The following DPYSL3 variants were observed in gnomAD, a reference collection of about 807,000 sequenced individuals.
DPYSL3 encodes dihydropyrimidinase-related protein 3.
In DPYSL3, 16 loss-of-function variants were observed where a neutral mutation model predicts 66.1. The ratio of observed to expected loss-of-function variants is 0.24; its 90% CI spans 0.16 to 0.37. The LOEUF is 0.37. Ranked by LOEUF, DPYSL3 falls within the 10% of genes least tolerant of loss-of-function variation. The pLI, the probability that DPYSL3 is intolerant of heterozygous loss-of-function variation, is 1.00. For missense variants in DPYSL3, 738 were observed against 916.2 expected (o/e 0.81, Z 2.51); for synonymous variants, 338 against 345.1 (o/e 0.98, Z 0.23).
intron 1 of DPYSL3, among the ~76,000 whole-genome samples, chr5:147,481,634 C>T (rs1753245743): frequency 6.6e-6 from 1 of 152,160 alleles, no homozygotes; most frequent in Non-Finnish European, 1.5e-5. Context: ...AAGGTGGGGC[C>T]TCATGGGAGA....
intron 1 of DPYSL3, among the ~76,000 whole-genome samples, chr5:147,506,254 C>T (rs138914015): frequency 7.2e-4 from 110 of 151,918 alleles, no homozygotes; most frequent in African/African-American, 2.5e-3. Flanking sequence ...AAATAAAATC[C>T]TATAGTTAAG....
intron 1 of DPYSL3, among the ~76,000 whole-genome samples, chr5:147,490,120 C>A (rs1243809576): frequency 6.6e-6 from 1 of 152,120 alleles, no homozygotes; most frequent in Non-Finnish European, 1.5e-5. Context: ...CCTCAACTGC[C>A]TCCATCCCAG....
rs1392245953 is a variant in DPYSL3 at position 147,393,150 on chromosome 5, C to T, written c.*885G>A. ...TGACCTCGCCGTGTTTAGAAGGAAGCGTCTTTAAGCTGTGGGTGCCCTCAC... is the reference window on the plus strand; with the variant it reads ...TGACCTCGCCGTGTTTAGAAGGAAGTGTCTTTAAGCTGTGGGTGCCCTCAC... On this transcript the variant is annotated 3_prime_UTR_variant, in exon 14 of 14. Transcript: ENST00000343218. 3 of 152,240 alleles carry T rather than the reference C, an allele frequency of 2.0e-5. No homozygotes were observed. Among genetic ancestry groups the T allele is most frequent in the South Asian group, 2.1e-4 (1 of 4,832 alleles). The allele number at this position is 152,240 out of a possible 1,614,324, so 9.4% of individuals were successfully genotyped here.
intron 1 of DPYSL3, chr5:147,453,420 G>T: frequency 7.5e-7 from 1 of 1,331,666 alleles, no homozygotes; most frequent in Non-Finnish European, 9.7e-7. Context: ...TCCGCCACCC[G>T]GACCCCGGGT....
chr5:147,445,514 A>G (rs1207945923), intron 1 of DPYSL3, among the ~76,000 whole-genome samples: 1 of 152,228 alleles, frequency 6.6e-6, no homozygotes, highest in South Asian at 2.1e-4. Flanking sequence ...CAGCAAATAC[A>G]GAGGGCCTAA....
chr5:147,491,815 G>C (rs956009619), intron 1 of DPYSL3, among the ~76,000 whole-genome samples: 1 of 151,108 alleles, frequency 6.6e-6, no homozygotes, highest in Non-Finnish European at 1.5e-5. Flanking sequence ...AACTACCAAA[G>C]GTGTAAAATG....
chr5:147,460,112 G>GA (rs548859726), intron 1 of DPYSL3, among the ~76,000 whole-genome samples: 133 of 141,674 alleles, frequency 9.4e-4, no homozygotes, highest in Admixed American at 1.3e-3. Flanking sequence ...CTCCGTCTCA[G>GA]AAAAAAAAAA....
intron 4 of DPYSL3, among the ~76,000 whole-genome samples, chr5:147,414,844 A>T (rs1751929774): frequency 6.6e-6 from 1 of 152,086 alleles, no homozygotes. Flanking sequence ...GACTCCTAGC[A>T]TTTGTGTCTA....
chr5:147,488,425 T>C (rs973635351), intron 1 of DPYSL3, among the ~76,000 whole-genome samples: 1 of 152,130 alleles, frequency 6.6e-6, no homozygotes, highest in Non-Finnish European at 1.5e-5. Flanking sequence ...TCTGCCACCA[T>C]CCTTTGAATA....
At chr5:147,436,392 G>A (rs1752415096) in intron 1 of DPYSL3, among the ~76,000 whole-genome samples, 1 of 152,168 alleles carries the variant, frequency 6.6e-6, no homozygotes, top group Non-Finnish European at 1.5e-5. Context: ...AAAATATGAT[G>A]TAGTTCTTGT....
chr5:147,462,567 C>T (rs1295127875), intron 1 of DPYSL3, among the ~76,000 whole-genome samples: 3 of 152,104 alleles, frequency 2.0e-5, no homozygotes, highest in Non-Finnish European at 4.4e-5. Context: ...CAAATTATTG[C>T]ACTAGGGAAC....
chr5:147,406,674 G>A (rs975845523), intron 7 of DPYSL3, among the ~76,000 whole-genome samples: 1 of 152,188 alleles, frequency 6.6e-6, no homozygotes, highest in Non-Finnish European at 1.5e-5. Flanking sequence ...CTCTCAAGTG[G>A]TCTACTCTCA....
chr5:147,412,646 C>G lies in DPYSL3; in HGVS notation c.925G>C (p.Ala309Pro). The stretch of plus-strand genomic sequence containing the variant: ...TCCCCATTCTCAGCATGAACTTGAG[C>G]AATGGCCCCCAGCTCTCCCAGGCAG... ...FTCLGELGAI[A>P]QVHAENGDII... Residue 309 changes from alanine (A) to proline (P), a missense_variant, in exon 6 of 14, where the codon GCT becomes CCT. Ala to Pro is a conservative substitution (Grantham distance 27). Coordinates refer to ENST00000343218, the MANE Select transcript of DPYSL3 (RefSeq NM_001197294.2). 6.2e-6 allele frequency: 10 copies of G among 1,612,992 alleles called. No homozygotes were observed. The highest frequency in any genetic ancestry group is 8.5e-6 in the Non-Finnish European group (10 of 1,179,584).
At chr5:147,472,760 T>G (rs975175223) in intron 1 of DPYSL3, 1 of 152,176 alleles carries the variant, frequency 6.6e-6, no homozygotes, top group African/African-American at 2.4e-5. Flanking sequence ...CCTGTCCATA[T>G]TTCTAATCTC....
intron 11 of DPYSL3, 43 bp downstream of exon 11, chr5:147,399,039 T>G (rs1461542160): frequency 6.3e-7 from 1 of 1,597,998 alleles, no homozygotes; most frequent in Non-Finnish European, 8.5e-7. Context: ...GTTCCTTGCA[T>G]GCATTCTCCA....
chr5:147,434,702 G>A (rs1317637881), intron 1 of DPYSL3, among the ~76,000 whole-genome samples: 1 of 137,866 alleles, frequency 7.3e-6, no homozygotes, highest in African/African-American at 2.7e-5. Context: ...TAAAACTATA[G>A]AAAGACAGTA....
intron 1 of DPYSL3, among the ~76,000 whole-genome samples, chr5:147,482,109 G>T (rs565789848): frequency 1.3e-5 from 2 of 152,238 alleles, no homozygotes; most frequent in East Asian, 3.9e-4. Context: ...CAGATAAAGA[G>T]CAGTCAGGGC....
rs774990938 is a variant in DPYSL3 at position 147,400,785 on chromosome 5, G to C, written c.1359C>G (p.Ala453=). 32 of 1,614,182 alleles carry C rather than the reference G, an allele frequency of 2.0e-5. No individual in the cohort carries two copies. In the South Asian group the frequency reaches 3.2e-4, roughly 16 times the overall value. Reference sequence around the variant, plus strand: ...AGTTGTCCTTCCCAATTGCTTTCTGGGCAGTGCTGAAGGTGCAGTGGGCAC... The same window carrying C: ...AGTTGTCCTTCCCAATTGCTTTCTGCGCAGTGCTGAAGGTGCAGTGGGCAC... The part of the protein sequence containing the change: ...SGSAHCTFST[A]QKAIGKDNFT... Residue 453 remains alanine, a synonymous_variant, in exon 10 of 14, where the codon GCC becomes GCG. Transcript: ENST00000343218.
chr5:147,406,814 T>C (rs1455706786), intron 7 of DPYSL3, among the ~76,000 whole-genome samples: 1 of 151,990 alleles, frequency 6.6e-6, no homozygotes, highest in East Asian at 1.9e-4. Context: ...TTAAAAAAAA[T>C]ACCAAAAATA....
Sources: gnomAD v4.1 joint callset for allele counts (sites outside exome capture counted in the v4.1 genomes callset) on GRCh38, gnomAD v4.1.1 for gene constraint, MANE v1.5 for transcripts, NCBI Gene and HGNC (gene_info 2026-07-23, HGNC 2026-07-21) for gene names.